The following RTN1 variants were observed in gnomAD, a reference collection of about 807,000 sequenced individuals.
The protein encoded by RTN1 is reticulon-1.
RTN1 carries 25 observed loss-of-function variants against 65.5 expected under a neutral mutation model. The observed-to-expected ratio is 0.38, with a 90% CI of 0.28 to 0.53. The LOEUF is 0.53. RTN1 is among the 20% of genes least tolerant of loss of function. The probability of loss-of-function intolerance (pLI) is 0.79; values close to 1 mark genes in which losing one functional copy is unlikely to be tolerated. For synonymous variants in RTN1, 471 were observed against 447.6 expected (o/e 1.05, Z -0.66); for missense variants, 983 against 1,025.4 (o/e 0.96, Z 0.57).
At chr14:59,648,592 A>G (rs770735111) in intron 3 of RTN1, among the ~76,000 whole-genome samples, 5 of 152,244 alleles carry the variant, frequency 3.3e-5, no homozygotes, top group Non-Finnish European at 7.3e-5. Context: ...ATCCACCATG[A>G]TCAAGAAGGC....
At chr14:59,634,546 T>G (rs1371171218) in intron 3 of RTN1, among the ~76,000 whole-genome samples, 1 of 152,244 alleles carries the variant, frequency 6.6e-6, no homozygotes, top group Non-Finnish European at 1.5e-5. Flanking sequence ...AAGATCCCTA[T>G]GAGTTAGTGT....
intron 3 of RTN1, among the ~76,000 whole-genome samples, chr14:59,713,328 C>T (rs917093278): frequency 7.9e-5 from 12 of 152,184 alleles, no homozygotes; most frequent in African/African-American, 2.2e-4. Flanking sequence ...ATTCTAGTTG[C>T]GGATTCCCAG....
At chr14:59,852,255 C>T (rs756018707) in intron 1 of RTN1, among the ~76,000 whole-genome samples, 1 of 152,160 alleles carries the variant, frequency 6.6e-6, no homozygotes, top group Non-Finnish European at 1.5e-5. Context: ...GCATGAGAAG[C>T]ACTCTGATTT....
Position 59,849,898 on chromosome 14 carries a change from C to G in RTN1, c.241+20492G>C, listed in dbSNP as rs1041113852. The stretch of plus-strand genomic sequence containing the variant: ...CTTTTGCTTCCTCAAAGGGCTTCCC[C>G]CTCTCTGTGTACTTCTCTGTTAACT... On this transcript the variant is annotated intron_variant, in intron 1 of 8. Transcript: ENST00000267484. The surrounding 1 kb of genome is among the most constrained non-coding windows in gnomAD (Gnocchi z 4.5). Among the ~76,000 whole-genome samples, 2 of 152,106 alleles carry G rather than the reference C, an allele frequency of 1.3e-5. No individual in the cohort carries two copies. Among genetic ancestry groups the G allele is most frequent in the Admixed American group, 1.3e-4 (2 of 15,270 alleles).
chr14:59,854,341 G>A (rs1310333674), intron 1 of RTN1, among the ~76,000 whole-genome samples: 5 of 151,974 alleles, frequency 3.3e-5, no homozygotes, highest in African/African-American at 2.4e-5. Flanking sequence ...TTACTGCACA[G>A]ATCATAAAAT....
intron 1 of RTN1, among the ~76,000 whole-genome samples, chr14:59,845,932 T>C (rs1887400661): frequency 1.3e-5 from 2 of 152,084 alleles, no homozygotes; most frequent in Non-Finnish European, 2.9e-5. Flanking sequence ...AATCCTAAAT[T>C]CCAGCATCAT....
intron 3 of RTN1, among the ~76,000 whole-genome samples, chr14:59,658,666 A>G (rs1883177274): frequency 6.6e-6 from 1 of 152,212 alleles, no homozygotes; most frequent in Non-Finnish European, 1.5e-5. Flanking sequence ...GAAGCTAACA[A>G]ACAGAAAAGT....
At chr14:59,814,835 A>C (rs1207738153) in intron 1 of RTN1, among the ~76,000 whole-genome samples, 1 of 152,218 alleles carries the variant, frequency 6.6e-6, no homozygotes, top group Non-Finnish European at 1.5e-5. Context: ...CTCTGGGATA[A>C]TTTTATCCTT....
intron 1 of RTN1, among the ~76,000 whole-genome samples, chr14:59,864,063 G>C (rs1300933503): frequency 6.6e-6 from 1 of 152,122 alleles, no homozygotes; most frequent in Non-Finnish European, 1.5e-5. Context: ...GCAGTGACTA[G>C]AGTGAGTCAT....
intron 1 of RTN1, among the ~76,000 whole-genome samples, chr14:59,749,156 A>ATC (rs1277572825): frequency 0.012 from 653 of 54,892 alleles, 85 homozygotes; most frequent in African/African-American, 0.051. Context: ...CTATCTATCT[A>ATC]TATCTATCTA....
intron 2 of RTN1, among the ~76,000 whole-genome samples, chr14:59,741,907 C>A (rs1411464444): frequency 6.6e-6 from 1 of 152,208 alleles, no homozygotes; most frequent in African/African-American, 2.4e-5. Flanking sequence ...TTGGACCCCT[C>A]ACACCCAACC....
chr14:59,694,411 G>A (rs563197800), intron 3 of RTN1, among the ~76,000 whole-genome samples: 7 of 152,248 alleles, frequency 4.6e-5, no homozygotes, highest in Admixed American at 3.9e-4. Flanking sequence ...AATCACATAC[G>A]TAAGTGTGTG....
At chr14:59,856,566 T>C (rs561996739) in intron 1 of RTN1, among the ~76,000 whole-genome samples, 83 of 152,280 alleles carry the variant, frequency 5.5e-4, no homozygotes, top group African/African-American at 1.9e-3. Flanking sequence ...TACTCACAGA[T>C]CACTCATCAG....
chr14:59,758,006 C>T (rs11844387), intron 1 of RTN1, among the ~76,000 whole-genome samples: 57,307 of 151,912 alleles, frequency 0.38, 10,962 homozygotes, highest in Admixed American at 0.45. Context: ...TAGAATATTT[C>T]CACTTCTTCC....
At chr14:59,711,261 C>T (rs559572833) in intron 3 of RTN1, among the ~76,000 whole-genome samples, 1 of 152,326 alleles carries the variant, frequency 6.6e-6, no homozygotes, top group East Asian at 1.9e-4. Flanking sequence ...AACACAGGCC[C>T]ACAGTGATAT....
intron 1 of RTN1, among the ~76,000 whole-genome samples, chr14:59,783,912 G>A (rs533074377): frequency 1.7e-3 from 215 of 126,860 alleles, no homozygotes; most frequent in African/African-American, 6.4e-3. Context: ...CAATCTGGGG[G>A]CAAAAAAAAA....
intron 1 of RTN1, among the ~76,000 whole-genome samples, chr14:59,799,552 T>A (rs552036444): frequency 5.3e-5 from 8 of 152,324 alleles, no homozygotes; most frequent in Admixed American, 1.3e-4. Flanking sequence ...CATAATATGA[T>A]AAATCAAATT....
At chr14:59,768,742 G>A (rs1038032289) in intron 1 of RTN1, among the ~76,000 whole-genome samples, 2 of 151,908 alleles carry the variant, frequency 1.3e-5, no homozygotes, top group African/African-American at 4.8e-5. Context: ...AAATTATACT[G>A]GCTAATACTA....
rs577477211 is a variant in RTN1 at position 59,742,299 on chromosome 14, C to T, written c.1015+3409G>A. 2.0e-5 allele frequency among the ~76,000 whole-genome samples: 3 copies of T among 152,222 alleles called. No homozygotes were observed. The South Asian group carries it at 6.2e-4, about 32-fold the overall frequency. On this transcript the variant is annotated intron_variant, in intron 2 of 8. Transcript: ENST00000267484. ...TTGAGGCTAATAGCTCACATAACAC[C>T]CAGGACCATCATAATATCCCTCTTG...
Sources: gnomAD v4.1 joint callset for allele counts (sites outside exome capture counted in the v4.1 genomes callset) on GRCh38, gnomAD v4.1.1 for gene constraint, Gnocchi (gnomAD v3.1) non-coding constraint, MANE v1.5 for transcripts, NCBI Gene and HGNC (gene_info 2026-07-23, HGNC 2026-07-21) for gene names.